Variants in EDA observed in about 807,000 individuals in gnomAD.
The protein encoded by EDA is ectodysplasin A, also known as ectodysplasin-A.
In EDA, 2 loss-of-function variants were observed where a neutral mutation model predicts 23.6. The observed-to-expected ratio is 0.08, with a 90% CI of 0.03 to 0.27. The LOEUF is 0.27. EDA is among the 10% of genes least tolerant of loss of function. The pLI is 1.00. For synonymous variants in EDA, 131 were observed against 132.0 expected, an observed-to-expected ratio of 0.99 and a Z score of 0.05; for missense variants, 229 against 324.2, an observed-to-expected ratio of 0.71 and a Z score of 2.26.
rs1410379118 is a variant in EDA at position 69,826,988 on chromosome X, C to G, written c.397-130039C>G. Among the ~76,000 whole-genome samples, 6 of 112,214 alleles carry G rather than the reference C, an allele frequency of 5.3e-5. No homozygotes were observed. In the East Asian group the frequency reaches 1.1e-3, roughly 21 times the overall value. ...TAGTTTGGCTGGATATGAAATTCTG[C>G]ATTGAAAATTCTTTTCTTTAGGAAT... On this transcript the variant is annotated intron_variant, in intron 1 of 7. Coordinates refer to ENST00000374552, the MANE Select transcript of EDA (RefSeq NM_001399.5).
rs1391548699 is a variant in EDA, at chrX:69,710,142, A to G, written c.396+93438A>G. Among the ~76,000 whole-genome samples, 6 of 111,026 alleles carry G rather than the reference A, an allele frequency of 5.4e-5. No individual in the cohort carries two copies. In the South Asian group the frequency reaches 1.1e-3, roughly 21 times the overall value. The stretch of plus-strand genomic sequence containing the variant: ...TTTATGGTTTTAGGTCTAACATTTA[A>G]GTCTTTAATCCATCTTGAATTGATT... On this transcript the variant is annotated intron_variant, in intron 1 of 7. Coordinates refer to ENST00000374552, the MANE Select transcript of EDA (RefSeq NM_001399.5).
At chrX:69,824,046 C>T (rs2016328814) in intron 1 of EDA, among the ~76,000 whole-genome samples, 1 of 90,282 alleles carries the variant, frequency 1.1e-5, no homozygotes, top group African/African-American at 4.3e-5. Flanking sequence ...TGTTCTGTTC[C>T]ATTGATCTAT....
At chrX:69,630,331 C>T (rs1932525285) in intron 1 of EDA, among the ~76,000 whole-genome samples, 1 of 112,078 alleles carries the variant, frequency 8.9e-6, no homozygotes, top group Non-Finnish European at 1.9e-5. Flanking sequence ...GTTTCATAAA[C>T]TACACTCTTA....
chrX:70,013,364 A>G (rs1281956992), intron 2 of EDA, among the ~76,000 whole-genome samples: 1 of 110,614 alleles, frequency 9.0e-6, no homozygotes, highest in Non-Finnish European at 1.9e-5. Context: ...TTCACCAGAT[A>G]GGGCCCCCAA....
intron 1 of EDA, among the ~76,000 whole-genome samples, chrX:69,668,007 C>T (rs1933748386): frequency 8.9e-6 from 1 of 112,249 alleles, no homozygotes; most frequent in Admixed American, 9.4e-5. Context: ...TTGTTAGGCC[C>T]ACCTCCCATC....
chrX:69,739,214 G>A (rs192538339), intron 1 of EDA, among the ~76,000 whole-genome samples: 2 of 110,995 alleles, frequency 1.8e-5, no homozygotes, highest in Admixed American at 1.9e-4. Context: ...CTAATGGGTT[G>A]ATCATTATAT....
At chrX:69,681,593 C>G (rs1228731757) in intron 1 of EDA, among the ~76,000 whole-genome samples, 1 of 111,251 alleles carries the variant, frequency 9.0e-6, no homozygotes, top group African/African-American at 3.3e-5. Context: ...CATTGATACC[C>G]TTTCTTCCAG....
chrX:69,961,215 TC>T (rs1043333900), intron 2 of EDA, among the ~76,000 whole-genome samples: 2 of 111,201 alleles, frequency 1.8e-5, no homozygotes, highest in Non-Finnish European at 3.8e-5. Context: ...CGTTGAGTGA[TC>T]CGCCCACCTC....
intron 1 of EDA, among the ~76,000 whole-genome samples, chrX:69,849,114 C>T (rs1364428888): frequency 2.7e-5 from 2 of 74,272 alleles, no homozygotes; most frequent in African/African-American, 7.8e-5. Flanking sequence ...CACACACACA[C>T]ACACACACAC....
intron 1 of EDA, among the ~76,000 whole-genome samples, chrX:69,926,642 G>T (rs1268535744): frequency 1.1e-4 from 12 of 111,922 alleles, no homozygotes; most frequent in Non-Finnish European, 2.3e-4. Flanking sequence ...TGTTGATTTG[G>T]GGTGAAGAAT....
chrX:69,931,871 G>A (rs751192229), intron 1 of EDA, among the ~76,000 whole-genome samples: 4 of 111,984 alleles, frequency 3.6e-5, no homozygotes, highest in Non-Finnish European at 7.5e-5. Context: ...AAAAGCGTAT[G>A]TCCACACAAA....
intron 1 of EDA, among the ~76,000 whole-genome samples, chrX:69,779,617 A>G (rs1208312532): frequency 2.7e-5 from 3 of 111,660 alleles, no homozygotes; most frequent in Non-Finnish European, 5.7e-5. Context: ...GTGGTTGCAT[A>G]AGATTTTGAA....
intron 1 of EDA, among the ~76,000 whole-genome samples, chrX:69,765,905 G>A (rs982184857): frequency 9.0e-6 from 1 of 111,461 alleles, no homozygotes; most frequent in African/African-American, 3.3e-5. Flanking sequence ...GTAGCCCCTG[G>A]CAACCACTAA....
intron 1 of EDA, among the ~76,000 whole-genome samples, chrX:69,938,475 A>G (rs964013236): frequency 9.0e-6 from 1 of 111,477 alleles, no homozygotes; most frequent in Non-Finnish European, 1.9e-5. Context: ...TTTTCCTATG[A>G]AGTGGTTTGA....
chrX:69,642,936 T>C (rs774653512), intron 1 of EDA, among the ~76,000 whole-genome samples: 1 of 111,619 alleles, frequency 9.0e-6, no homozygotes, highest in Admixed American at 9.6e-5. Flanking sequence ...GAAAATACTA[T>C]AAGGGATGAG....
At chrX:69,793,642 A>G (rs756150357) in intron 1 of EDA, among the ~76,000 whole-genome samples, 127 of 99,163 alleles carry the variant, frequency 1.3e-3, no homozygotes, top group Admixed American at 4.4e-3. Context: ...TTCTGAGGAT[A>G]GCAGTTTTAG....
chrX:70,002,294 GT>G (rs1189494667), intron 2 of EDA, among the ~76,000 whole-genome samples: 1 of 106,470 alleles, frequency 9.4e-6, no homozygotes, highest in South Asian at 4.2e-4. Context: ...TGTTAACCTA[GT>G]TTTTTTTTCA....
chrX:69,939,418 G>T, intron 1 of EDA, among the ~76,000 whole-genome samples: 1 of 102,743 alleles, frequency 9.7e-6, no homozygotes, highest in South Asian at 4.8e-4. Flanking sequence ...ATATAGAAAT[G>T]CTGTGTTGAT....
intron 1 of EDA, among the ~76,000 whole-genome samples, chrX:69,941,720 T>A (rs141252323): frequency 3.1e-3 from 348 of 111,640 alleles, no homozygotes; most frequent in African/African-American, 0.011. Flanking sequence ...TCTTGATTTT[T>A]TATCCACTTA....
Sources: gnomAD v4.1 joint callset for allele counts (sites outside exome capture counted in the v4.1 genomes callset) on GRCh38, gnomAD v4.1.1 for gene constraint, MANE v1.5 for transcripts, NCBI Gene and HGNC (gene_info 2026-07-23, HGNC 2026-07-21) for gene names.